Variants in MAP3K13 observed in about 807,000 individuals in gnomAD.
The protein encoded by MAP3K13 is leucine zipper-bearing kinase.
Under a neutral mutation model 104.0 loss-of-function variants are expected in MAP3K13, and 52 were observed. That is an observed-to-expected ratio of 0.50 (90% CI 0.40 to 0.63). The LOEUF is 0.63. MAP3K13 is among the 20% of genes least tolerant of loss of function. The pLI, the probability that MAP3K13 is intolerant of heterozygous loss-of-function variation, is 0.00. For synonymous variants in MAP3K13, 394 were observed against 442.2 expected, an observed-to-expected ratio of 0.89 and a Z score of 1.37; for missense variants, 914 against 1,218.5, an observed-to-expected ratio of 0.75 and a Z score of 3.72.
intron 1 of MAP3K13, chr3:185,417,402 CT>C: frequency 8.0e-7 from 1 of 1,250,822 alleles, no homozygotes; most frequent in East Asian, 2.4e-5. Context: ...CTTTTCTTTT[CT>C]TTTTTTCCTC....
At position 185,428,723 on chromosome 3, in the gene MAP3K13, G is replaced by A; in HGVS notation, c.142G>A (p.Glu48Lys). ...TCCCAAGCTGCTCGAGGACCAGCAG[G>A]AAAAGGGGATGGTACGAACAGAGCT... is the stretch of plus-strand genomic sequence containing the variant. ...PSPKLLEDQQ[E>K]KGMVRTELIE... Residue 48 changes from glutamate to lysine, a missense_variant, in exon 2 of 14, where the codon GAA becomes AAA. Glu to Lys is a moderately conservative substitution (Grantham distance 56). Coordinates refer to ENST00000265026, the MANE Select transcript of MAP3K13 (RefSeq NM_004721.5). The A allele has an allele frequency of 6.2e-7, 1 of 1,614,188 alleles. No homozygotes were observed. The highest frequency in any genetic ancestry group is 8.5e-7 in the Non-Finnish European group (1 of 1,180,032).
intron 2 of MAP3K13, among the ~76,000 whole-genome samples, chr3:185,321,210 A>C (rs1161333488): frequency 6.6e-6 from 1 of 152,032 alleles, no homozygotes; most frequent in African/African-American, 2.4e-5. Context: ...ATATGCATGC[A>C]CACACATATG....
intron 6 of MAP3K13, among the ~76,000 whole-genome samples, chr3:185,451,056 C>T (rs535469321): frequency 6.3e-4 from 96 of 152,248 alleles, no homozygotes; most frequent in African/African-American, 2.2e-3. Flanking sequence ...CGCCACTGCA[C>T]TCCAGCCTGA....
chr3:185,336,232 C>T (rs1722494694), intron 2 of MAP3K13, among the ~76,000 whole-genome samples: 1 of 151,914 alleles, frequency 6.6e-6, no homozygotes, highest in Non-Finnish European at 1.5e-5. Context: ...AATGTAATGT[C>T]AGAATAAATA....
chr3:185,383,516 C>G (rs900488993), intron 1 of MAP3K13, among the ~76,000 whole-genome samples: 1 of 148,794 alleles, frequency 6.7e-6, no homozygotes, highest in Non-Finnish European at 1.5e-5. Context: ...GAGTCAAGAT[C>G]GTGCCACTGC....
chr3:185,313,359 T>C (rs1164118210), intron 2 of MAP3K13, among the ~76,000 whole-genome samples: 1 of 148,394 alleles, frequency 6.7e-6, no homozygotes, highest in African/African-American at 2.5e-5. Context: ...AACCTTTGCC[T>C]CCTGGGTTCA....
At chr3:185,448,112 A>G (rs1715691641) in intron 5 of MAP3K13, 165 bp downstream of exon 5, 1 of 830,142 alleles carries the variant, frequency 1.2e-6, no homozygotes, top group Non-Finnish European at 2.1e-6. Context: ...GTATGGTGAT[A>G]TATGGGGAGA....
rs766802911 is a variant in MAP3K13, at chr3:185,333,400, G to T, written c.-86+47757G>T. 2.6e-5 allele frequency among the ~76,000 whole-genome samples: 4 copies of T among 152,026 alleles called. No individual in the cohort carries two copies. The South Asian group carries it at 6.2e-4, about 24-fold the overall frequency. On this transcript the variant is annotated intron_variant, in intron 2 of 14. Coordinates refer to the MAP3K13 transcript ENST00000424227. ...GTATGATAAGGCAAAAACAAAAAAG[G>T]AAAAAGAAATTAAAAGACCTAAAGT...
chr3:185,450,591 A>AC lies in MAP3K13; in HGVS notation c.1169+537dup, dbSNP rs1715826499. On this transcript the variant is annotated intron_variant, in intron 6 of 13. Coordinates refer to ENST00000265026, the MANE Select transcript of MAP3K13 (RefSeq NM_004721.5). This position sits in a 1 kb window ranked among gnomAD's most constrained non-coding sequence, Gnocchi z 4.2. ...AGAGCAGCTTGGGCAACATAGCGAG[A>AC]CCCCATCTCTGTGTTAAAAACATAA... Among the ~76,000 whole-genome samples the AC allele has an allele frequency of 6.6e-6, 1 of 151,908 alleles. No individual in the cohort carries two copies. The highest frequency in any genetic ancestry group is 2.1e-4 in the South Asian group (1 of 4,826).
chr3:185,284,790 A>G (rs1720449706), intron 1 of MAP3K13, among the ~76,000 whole-genome samples: 1 of 152,010 alleles, frequency 6.6e-6, no homozygotes. Context: ...AAAATGTGAT[A>G]AAAAGTGGGC....
chr3:185,467,696 T>C (rs1381384532), intron 10 of MAP3K13, among the ~76,000 whole-genome samples: 1 of 148,754 alleles, frequency 6.7e-6, no homozygotes, highest in African/African-American at 2.5e-5. Flanking sequence ...GACAGGAGAA[T>C]CACTTGAACC....
intron 2 of MAP3K13, among the ~76,000 whole-genome samples, chr3:185,320,983 G>A (rs144001788): frequency 1.9e-3 from 296 of 152,198 alleles, no homozygotes; most frequent in African/African-American, 6.9e-3. Flanking sequence ...TAGTGCATGT[G>A]TGTGTGCGTG....
intron 7 of MAP3K13, among the ~76,000 whole-genome samples, chr3:185,460,208 G>A (rs1241390353): frequency 2.0e-5 from 3 of 152,122 alleles, no homozygotes; most frequent in Non-Finnish European, 4.4e-5. Context: ...TGAATAGTAC[G>A]GAGCCTGACT....
At chr3:185,341,469 G>GA (rs973751386) in intron 2 of MAP3K13, among the ~76,000 whole-genome samples, 3 of 152,152 alleles carry the variant, frequency 2.0e-5, no homozygotes, top group African/African-American at 4.8e-5. Context: ...AACTGTAAAA[G>GA]AAAAAATTTC....
chr3:185,294,294 A>C (rs1411805952), intron 2 of MAP3K13, among the ~76,000 whole-genome samples: 1 of 152,238 alleles, frequency 6.6e-6, no homozygotes, highest in East Asian at 1.9e-4. Context: ...TTAGGTTAGC[A>C]TAGGTGACTT....
upstream of MAP3K13, among the ~76,000 whole-genome samples, chr3:185,358,903 C>T (rs1723486891): frequency 6.6e-6 from 1 of 152,180 alleles, no homozygotes; most frequent in Admixed American, 6.5e-5. Flanking sequence ...GCATAACTAC[C>T]TGAAGGTTCC....
intron 10 of MAP3K13, among the ~76,000 whole-genome samples, chr3:185,468,126 G>C (rs1717565229): frequency 6.6e-6 from 1 of 151,896 alleles, no homozygotes; most frequent in South Asian, 2.1e-4. Context: ...CCCCTCACCA[G>C]GCCCCACCTC....
rs554058464 is a variant in MAP3K13, at chr3:185,428,524, C to A, written c.-58C>A. On this transcript the variant is annotated 5_prime_UTR_variant, in exon 2 of 14. Transcript: ENST00000265026. ...TTTGGAGCCCTCTCTTAAGTCAGAACTCTGTCCCAAAAATCTTCTGAGTGT... is the reference window on the plus strand; with the variant it reads ...TTTGGAGCCCTCTCTTAAGTCAGAAATCTGTCCCAAAAATCTTCTGAGTGT... 7.3e-6 allele frequency: 11 copies of A among 1,516,056 alleles called. No homozygotes were observed. The highest frequency in any genetic ancestry group is 9.7e-6 in the Non-Finnish European group (11 of 1,134,758). The allele number at this position is 1,516,056 out of a possible 1,614,324, so 93.9% of individuals were successfully genotyped here.
chr3:185,398,317 A>G (rs1712546660), intron 1 of MAP3K13, among the ~76,000 whole-genome samples: 2 of 152,206 alleles, frequency 1.3e-5, no homozygotes. Context: ...CAGATGCACC[A>G]GAAAGAAAGA....
Sources: gnomAD v4.1 joint callset for allele counts (sites outside exome capture counted in the v4.1 genomes callset) on GRCh38, gnomAD v4.1.1 for gene constraint, Gnocchi (gnomAD v3.1) non-coding constraint, MANE v1.5 for transcripts, NCBI Gene and HGNC (gene_info 2026-07-23, HGNC 2026-07-21) for gene names.